HPD: variants seen among roughly 807,000 people sequenced by gnomAD.
HPD encodes 4-hydroxyphenylpyruvate dioxygenase.
A neutral mutation model predicts 56.9 loss-of-function variants in HPD; 35 were observed. The observed-to-expected ratio is 0.62, with a 90% confidence interval of 0.47 to 0.82. The LOEUF is 0.82. Ranked by LOEUF, HPD falls within the 40% of genes least tolerant of loss-of-function variation. HPD has a pLI of 0.00. For missense variants in HPD, 442 were observed against 506.8 expected, an observed-to-expected ratio of 0.87 and a Z score of 1.23; for synonymous variants, 186 against 200.2, an observed-to-expected ratio of 0.93 and a Z score of 0.60.
upstream of HPD, among the ~76,000 whole-genome samples, chr12:121,861,622 A>G (rs1878176089): frequency 6.6e-6 from 1 of 152,188 alleles, no homozygotes; most frequent in Non-Finnish European, 1.5e-5. Flanking sequence ...AAAAAGAGGC[A>G]ATCTCTAAAT....
rs767823553 is a variant in HPD, at chr12:121,843,757, G to C, written c.907C>G (p.Leu303Val). ...STYYKQLREK[L>V]KTAKIKVKEN... ...TTCACCTTGATCTTGGCCGTCTTCA[G>C]CTTCTCCCGCAGTTGTTTGTAGTAC... is the stretch of plus-strand genomic sequence containing the variant. The change falls in exon 12 of 14, where the codon CTG (leucine) becomes GTG (valine). Residue 303 changes from leucine (L) to valine (V), a missense_variant. Physicochemically the swap from Leu to Val is conservative, Grantham distance 32. Coordinates refer to ENST00000289004, the MANE Select transcript of HPD (RefSeq NM_002150.3). 1 of 1,614,154 alleles carries C rather than the reference G, an allele frequency of 6.2e-7. No homozygotes were observed. The highest frequency in any genetic ancestry group is 8.5e-7 in the Non-Finnish European group (1 of 1,180,022).
At chr12:121,845,392 C>G (rs532692818) in intron 11 of HPD, among the ~76,000 whole-genome samples, 45 of 149,230 alleles carry the variant, frequency 3.0e-4, no homozygotes, top group Middle Eastern at 3.4e-3. Context: ...ATCAGGAGAT[C>G]GAGACCATCC....
intron 12 of HPD, 30 bp downstream of exon 12, chr12:121,843,680 A>C: frequency 1.9e-6 from 3 of 1,613,340 alleles, no homozygotes; most frequent in Non-Finnish European, 2.5e-6. Flanking sequence ...TACTCCCCCC[A>C]CAAGGCTGCG....
At chr12:121,864,274 C>T (rs149701387), upstream of HPD, among the ~76,000 whole-genome samples, 916 of 149,410 alleles carry the variant, frequency 6.1e-3, 6 homozygotes, top group Non-Finnish European at 1.0e-2. Flanking sequence ...TTATTAAAGC[C>T]AGGTACAGTG....
rs564186914 is a variant in HPD at position 121,848,882 on chromosome 12, G to C, written c.596+117C>G. ...CGGCTTCCCAGAATGCTGGGATTAC[G>C]GGTGTGAGCCACTGCACCCAGTCGT... On this transcript the variant is annotated intron_variant, in intron 9 of 13. Coordinates refer to ENST00000289004, the MANE Select transcript of HPD (RefSeq NM_002150.3). 4.8e-6 allele frequency: 4 copies of C among 837,220 alleles called. No individual in the cohort carries two copies. The Admixed American group carries it at 6.9e-5, about 14-fold the overall frequency. 51.9% of individuals were successfully genotyped at this position (837,220 alleles called of 1,614,324 possible).
chr12:121,857,180 A>C, intron 4 of HPD, 148 bp downstream of exon 4: 1 of 649,368 alleles, frequency 1.5e-6, no homozygotes, highest in South Asian at 1.7e-5. Flanking sequence ...CCCGGGTTCA[A>C]GCGATGTGCC....
At chr12:121,866,397 C>T (rs973924909), upstream of HPD, among the ~76,000 whole-genome samples, 2 of 148,086 alleles carry the variant, frequency 1.4e-5, no homozygotes, top group African/African-American at 2.5e-5. Context: ...AAAAAAGGCA[C>T]GGAGCAGTGT....
chr12:121,841,776 C>G (rs560081934), intron 12 of HPD, among the ~76,000 whole-genome samples: 3 of 151,934 alleles, frequency 2.0e-5, no homozygotes, highest in Admixed American at 2.0e-4. Context: ...CTCCCCTTCC[C>G]TGGGTTCAAG....
At chr12:121,865,012 A>G (rs1878286489), upstream of HPD, among the ~76,000 whole-genome samples, 2 of 152,002 alleles carry the variant, frequency 1.3e-5, no homozygotes, top group Non-Finnish European at 2.9e-5. Context: ...TCACGCCTGT[A>G]ATCCCAGCAC....
upstream of HPD, among the ~76,000 whole-genome samples, chr12:121,861,278 G>T (rs1342926507): frequency 6.6e-6 from 1 of 150,900 alleles, no homozygotes; most frequent in East Asian, 1.9e-4. Flanking sequence ...GGAGGTTGCA[G>T]TGAGCCGAGA....
At chr12:121,846,961 G>A (rs777066816) in intron 10 of HPD, 28 bp from the exon 11 acceptor site, 2 of 1,613,220 alleles carry the variant, frequency 1.2e-6, no homozygotes, top group South Asian at 2.2e-5. Context: ...GGAGACCACT[G>A]TCATTTGCCC....
chr12:121,884,810 A>G, the HPD span, among the ~76,000 whole-genome samples: 1 of 152,114 alleles, frequency 6.6e-6, no homozygotes, highest in Non-Finnish European at 1.5e-5. Context: ...AATAATTTAC[A>G]TTTACAAATA....
At chr12:121,881,985 T>A in the HPD span, among the ~76,000 whole-genome samples, 1 of 151,334 alleles carries the variant, frequency 6.6e-6, no homozygotes, top group Non-Finnish European at 1.5e-5. Flanking sequence ...TTTCACCATG[T>A]TCGCCAGGCT....
chr12:121,856,269 G>T, intron 6 of HPD, 55 bp downstream of exon 6: 3 of 1,390,814 alleles, frequency 2.2e-6, no homozygotes, highest in South Asian at 1.2e-5. Flanking sequence ...GACTGATGGG[G>T]TCCCCATGGC....
At chr12:121,847,269 C>T in intron 9 of HPD, 55 bp from the exon 10 acceptor site, 1 of 1,548,308 alleles carries the variant, frequency 6.5e-7, no homozygotes, top group Non-Finnish European at 8.9e-7. Context: ...GGACGGCCTC[C>T]ATCACCCATT....
upstream of HPD, among the ~76,000 whole-genome samples, chr12:121,864,713 C>T (rs558236547): frequency 1.1e-4 from 16 of 150,252 alleles, no homozygotes; most frequent in South Asian, 1.5e-3. Flanking sequence ...ATTAGCCAGG[C>T]ATGGTGGCAG....
intron 8 of HPD, 81 bp downstream of exon 8, chr12:121,849,606 G>A (rs1203912208): frequency 1.1e-6 from 1 of 932,012 alleles, no homozygotes; most frequent in Non-Finnish European, 1.8e-6. Context: ...ACACACATGC[G>A]CAGTGGACAT....
chr12:121,883,826 A>G, the HPD span, among the ~76,000 whole-genome samples: 2 of 151,784 alleles, frequency 1.3e-5, no homozygotes, highest in African/African-American at 2.4e-5. Flanking sequence ...GTTTCCTTGA[A>G]CATGCATATA....
the HPD span, among the ~76,000 whole-genome samples, chr12:121,869,641 C>T: frequency 6.6e-6 from 1 of 151,490 alleles, no homozygotes; most frequent in Non-Finnish European, 1.5e-5. Flanking sequence ...TCTCTTGCCT[C>T]AGCCTCCTGA....
Sources: allele counts gnomAD v4.1 joint callset (sites outside exome capture counted in the v4.1 genomes callset), GRCh38; gene constraint gnomAD v4.1.1; transcripts MANE v1.5; gene names NCBI Gene and HGNC (gene_info 2026-07-23, HGNC 2026-07-21).